AFF1: variants seen among roughly 807,000 people sequenced by gnomAD.
AFF1 encodes the protein ALF transcription elongation factor 1, also known as AF4/FMR2 family member 1.
A neutral mutation model predicts 121.7 loss-of-function variants in AFF1; 48 were observed. The observed-to-expected ratio is 0.39, with a 90% CI of 0.31 to 0.50. AFF1 has a LOEUF of 0.50. Ranked by LOEUF, AFF1 falls within the 20% of genes least tolerant of loss-of-function variation. The pLI, the probability that AFF1 is intolerant of heterozygous loss-of-function variation, is 0.76. For synonymous variants in AFF1, 613 were observed against 563.0 expected (o/e 1.09, Z -1.26); for missense variants, 1,523 against 1,511.7 (o/e 1.01, Z -0.12).
chr4:87,014,658 T>C (rs1727127651), intron 2 of AFF1, among the ~76,000 whole-genome samples: 1 of 152,226 alleles, frequency 6.6e-6, no homozygotes, highest in Non-Finnish European at 1.5e-5. Context: ...AACTATGTTA[T>C]ACAGTGTAAT....
At chr4:87,109,571 C>T (rs543965013) in intron 11 of AFF1, among the ~76,000 whole-genome samples, 24 of 152,274 alleles carry the variant, frequency 1.6e-4, no homozygotes, top group African/African-American at 5.5e-4. Context: ...ATATGCTGTG[C>T]AGACAAATTG....
In AFF1 at chr4:87,126,272, A is replaced by T. The variant is rs1327349986; in HGVS notation, c.2747A>T (p.Asp916Val). 1 of 1,613,726 alleles carries T rather than the reference A, an allele frequency of 6.2e-7. No individual in the cohort carries two copies. The highest frequency in any genetic ancestry group is 1.1e-5 in the South Asian group (1 of 91,046). ...AGCAGTACCAAGAGCAACCACAAAG[A>T]CTCTTCCATTCCCAAGCAGAGAAGA... ...SASSTKSNHKDSSIPKQRRVE... is the reference protein window; with the variant it reads ...SASSTKSNHKVSSIPKQRRVE... Residue 916 changes from aspartate to valine, a missense_variant, in exon 14 of 21, where the codon GAC becomes GTC. Asp to Val is a radical substitution (Grantham distance 152). This residue lies in a region of AFF1 where 905 missense variants were observed against 842.5 expected (regional missense o/e 1.07). Transcript: ENST00000395146.
At chr4:86,939,794 T>C (rs946567829) in intron 1 of AFF1, among the ~76,000 whole-genome samples, 1 of 152,226 alleles carries the variant, frequency 6.6e-6, no homozygotes, top group Non-Finnish European at 1.5e-5. Flanking sequence ...GTGCTCCTCT[T>C]ACCCGTCCCC....
chr4:87,023,542 G>T (rs1204202034), intron 2 of AFF1, among the ~76,000 whole-genome samples: 1 of 152,068 alleles, frequency 6.6e-6, no homozygotes. Context: ...GGTTGAACTG[G>T]CTAGAGTGGG....
Position 87,139,267 on chromosome 4 carries a change from G to A in AFF1, c.*3566G>A, listed in dbSNP as rs1490867405. 2 of 232,838 alleles carry A rather than the reference G, an allele frequency of 8.6e-6. No individual in the cohort carries two copies. Among genetic ancestry groups the A allele is most frequent in the Non-Finnish European group, 1.7e-5 (2 of 117,808 alleles). The allele number at this position is 232,838 out of a possible 1,614,324, so 14.4% of individuals were successfully genotyped here. ...TGGCTCTTGCACCTTTTACTCCTCTGCTTTATGAAGTTTGAGTTGTATTTG... is the reference window on the plus strand; with the variant it reads ...TGGCTCTTGCACCTTTTACTCCTCTACTTTATGAAGTTTGAGTTGTATTTG... On this transcript the variant is annotated 3_prime_UTR_variant, in exon 21 of 21. Coordinates refer to ENST00000395146, the MANE Select transcript of AFF1 (RefSeq NM_001166693.3).
At chr4:87,096,778 T>A (rs1724913363) in intron 8 of AFF1, among the ~76,000 whole-genome samples, 1 of 152,128 alleles carries the variant, frequency 6.6e-6, no homozygotes, top group African/African-American at 2.4e-5. Flanking sequence ...TATTTATGTT[T>A]TAACATATTT....
intron 2 of AFF1, among the ~76,000 whole-genome samples, chr4:86,956,896 A>T (rs930529638): frequency 6.6e-6 from 1 of 151,992 alleles, no homozygotes; most frequent in Non-Finnish European, 1.5e-5. Flanking sequence ...TTTTGGGCAG[A>T]TGTTTAGGAG....
Position 87,135,663 on chromosome 4 carries a change from G to C in AFF1, c.3619G>C (p.Gly1207Arg), listed in dbSNP as rs769220895. 6 of 1,612,374 alleles carry C rather than the reference G, an allele frequency of 3.7e-6. No homozygotes were observed. The African/African-American group carries it at 6.7e-5, about 18-fold the overall frequency. Residue 1207 changes from glycine to arginine, a missense_variant, in exon 21 of 21, where the codon GGT (glycine) becomes CGT (arginine). Physicochemically the swap from Gly to Arg is moderately radical, Grantham distance 125. Transcript: ENST00000395146. ...LVDLVHYTRQGFQQLQELTKT... is the reference protein window; with the variant it reads ...LVDLVHYTRQRFQQLQELTKT... ...GGACCTGGTGCACTATACACGACAG[G>C]GTTTTCAGCAGCTACAAGAATTAAC... is the stretch of plus-strand genomic sequence containing the variant.
At position 87,114,889 on chromosome 4, in the gene AFF1, C is replaced by T. The variant is rs1560641126; in HGVS notation, c.2056C>T (p.Pro686Ser). ...KKKHKSSLPA[P>S]SKALSGPEPA... ...GAAGCACAAGAGCTCCCTCCCTGCC[C>T]CCTCTAAGGCTCTCTCAGGCCCAGA... Residue 686 changes from proline to serine, a missense_variant, in exon 12 of 21, where the codon CCC (proline) becomes TCC (serine). Pro to Ser is a moderately conservative substitution (Grantham distance 74). Coordinates refer to ENST00000395146, the MANE Select transcript of AFF1 (RefSeq NM_001166693.3). The T allele has an allele frequency of 6.2e-7, 1 of 1,612,790 alleles. No individual in the cohort carries two copies. The highest frequency in any genetic ancestry group is 1.7e-4 in the Middle Eastern group (1 of 6,042).
intron 2 of AFF1, among the ~76,000 whole-genome samples, chr4:87,010,310 T>C (rs2149534974): frequency 6.6e-6 from 1 of 152,300 alleles, no homozygotes; most frequent in South Asian, 2.1e-4. Flanking sequence ...TTGAAAACAA[T>C]AAGTATTTGG....
At chr4:86,967,507 T>C (rs1400892405) in intron 2 of AFF1, among the ~76,000 whole-genome samples, 1 of 152,150 alleles carries the variant, frequency 6.6e-6, no homozygotes, top group Non-Finnish European at 1.5e-5. Flanking sequence ...AATATGATTT[T>C]AAAAGGTCGC....
chr4:87,026,006 A>G (rs340643), intron 2 of AFF1, among the ~76,000 whole-genome samples: 95,336 of 150,542 alleles, frequency 0.63, 33,035 homozygotes, highest in South Asian at 0.8. Context: ...AAAGAACCAC[A>G]GTTAGGAAGT....
intron 2 of AFF1, among the ~76,000 whole-genome samples, chr4:86,985,181 CTATATATATATATATATATA>C (rs55891819): frequency 0.013 from 1,220 of 96,516 alleles, 70 homozygotes; most frequent in African/African-American, 0.058. Context: ...ATATGTATTA[CTATATATATATATATATATA>C]TATATATATA....
At chr4:86,962,787 A>G (rs1722245585) in intron 2 of AFF1, among the ~76,000 whole-genome samples, 1 of 152,220 alleles carries the variant, frequency 6.6e-6, no homozygotes. Flanking sequence ...GGTAGGTGAC[A>G]CTATGAATTA....
intron 5 of AFF1, 82 bp downstream of exon 5, chr4:87,084,246 C>T (rs1401645648): frequency 1.4e-6 from 2 of 1,473,884 alleles, no homozygotes; most frequent in East Asian, 4.6e-5. Flanking sequence ...CTTTAAAGAA[C>T]AGTTGCCATT....
intron 1 of AFF1, among the ~76,000 whole-genome samples, chr4:86,948,220 G>A (rs1204845055): frequency 5.3e-5 from 8 of 152,076 alleles, no homozygotes; most frequent in Non-Finnish European, 8.8e-5. Flanking sequence ...CAGGGGAATG[G>A]TATTTCCTTT....
At chr4:87,060,714 C>T (rs1013895697) in intron 4 of AFF1, among the ~76,000 whole-genome samples, 1 of 151,910 alleles carries the variant, frequency 6.6e-6, no homozygotes, top group Non-Finnish European at 1.5e-5. Flanking sequence ...TGGCAGGCGC[C>T]TGTACTCCCG....
intron 2 of AFF1, among the ~76,000 whole-genome samples, chr4:86,968,037 G>T (rs1722657095): frequency 6.6e-6 from 1 of 152,144 alleles, no homozygotes; most frequent in Admixed American, 6.5e-5. Context: ...AGATGGAGCT[G>T]ATAAAGAAGC....
intron 2 of AFF1, among the ~76,000 whole-genome samples, chr4:86,965,340 C>T (rs558306795): frequency 5.9e-5 from 9 of 152,328 alleles, no homozygotes; most frequent in South Asian, 4.1e-4. Context: ...TTTCACTTTT[C>T]GGCTAATTTG....
Sources: gnomAD v4.1 joint callset for allele counts (sites outside exome capture counted in the v4.1 genomes callset) on GRCh38, gnomAD v4.1.1 for gene constraint, gnomAD v4.1.1 regional missense constraint, MANE v1.5 for transcripts, NCBI Gene and HGNC (gene_info 2026-07-23, HGNC 2026-07-21) for gene names.